Variants in CUBN observed in about 807,000 individuals in gnomAD.
CUBN encodes cubilin.
CUBN carries 282 observed loss-of-function variants against 405.3 expected under a neutral mutation model. The observed-to-expected ratio is 0.70, with a 90% confidence interval of 0.63 to 0.77. CUBN has a LOEUF of 0.77. CUBN is among the 30% of genes least tolerant of loss of function. The pLI, the probability that CUBN is intolerant of heterozygous loss-of-function variation, is 0.00. For missense variants in CUBN, 4,514 were observed against 4,475.2 expected (o/e 1.01, Z -0.25); for synonymous variants, 1,684 against 1,617.0 (o/e 1.04, Z -0.99).
chr10:16,888,239 A>C (rs2131395733), intron 56 of CUBN, among the ~76,000 whole-genome samples, 178 bp downstream of exon 56: 1 of 152,318 alleles, frequency 6.6e-6, no homozygotes, highest in South Asian at 2.1e-4. Context: ...AAAATTGCTA[A>C]GAGAGGTTTT....
intron 31 of CUBN, among the ~76,000 whole-genome samples, chr10:16,962,056 G>A (rs545471873): frequency 1.3e-5 from 2 of 152,258 alleles, no homozygotes; most frequent in South Asian, 2.1e-4. Context: ...TAGGCTCTCA[G>A]AACATGAGTA....
Position 17,068,701 on chromosome 10 carries a change from T to C in CUBN, c.2695A>G (p.Ile899Val). 1 of 1,611,988 alleles carries C rather than the reference T, an allele frequency of 6.2e-7. No homozygotes were observed. The highest frequency in any genetic ancestry group is 1.3e-5 in the African/African-American group (1 of 74,964). The change falls in exon 20 of 67, where the codon ATA becomes GTA. Residue 899 changes from isoleucine (I) to valine (V), a missense_variant. This residue lies in a region of CUBN where 1,448 missense variants were observed against 1,388.0 expected (regional missense o/e 1.04). Coordinates refer to ENST00000377833, the MANE Select transcript of CUBN (RefSeq NM_001081.4). ...KYCGTDIPSF[I>V]TSVYNFLYVT... ...TAAAGAAAATTGTACACAGATGTTATAAATGAAGGTATGTCTGTACCGCAA... is the reference window on the plus strand; with the variant it reads ...TAAAGAAAATTGTACACAGATGTTACAAATGAAGGTATGTCTGTACCGCAA...
chr10:16,865,732 G>A (rs1363075253), intron 59 of CUBN, among the ~76,000 whole-genome samples: 2 of 152,176 alleles, frequency 1.3e-5, no homozygotes, highest in East Asian at 3.9e-4. Flanking sequence ...AATGGAACAT[G>A]GGAGGGGGCA....
At chr10:16,886,707 G>A (rs975017058) in intron 56 of CUBN, among the ~76,000 whole-genome samples, 4 of 152,206 alleles carry the variant, frequency 2.6e-5, no homozygotes, top group African/African-American at 9.7e-5. Flanking sequence ...TGAAGAGTCA[G>A]GACTGAGAAG....
At chr10:17,032,392 C>G (rs1391436963) in intron 27 of CUBN, among the ~76,000 whole-genome samples, 1 of 152,154 alleles carries the variant, frequency 6.6e-6, no homozygotes, top group Non-Finnish European at 1.5e-5. Flanking sequence ...AGGTGGACTC[C>G]AGAGCCCACA....
intron 64 of CUBN, among the ~76,000 whole-genome samples, chr10:16,833,679 G>A (rs1422808650): frequency 6.6e-6 from 1 of 152,172 alleles, no homozygotes; most frequent in Non-Finnish European, 1.5e-5. Flanking sequence ...AGCCCTTGGT[G>A]CTAAGAAGCA....
intron 51 of CUBN, among the ~76,000 whole-genome samples, chr10:16,903,232 C>A (rs566771766): frequency 6.6e-6 from 1 of 152,224 alleles, no homozygotes; most frequent in Admixed American, 6.5e-5. Flanking sequence ...CTGATAAAAT[C>A]CTATGCCCAT....
At chr10:16,866,153 C>T (rs112932474) in intron 59 of CUBN, among the ~76,000 whole-genome samples, 2,387 of 151,986 alleles carry the variant, frequency 0.016, 68 homozygotes, top group African/African-American at 0.055. Flanking sequence ...TGAAGTTTTG[C>T]TGAAGTGTTA....
chr10:17,038,380 T>G, intron 27 of CUBN, among the ~76,000 whole-genome samples: 1 of 152,216 alleles, frequency 6.6e-6, no homozygotes, highest in East Asian at 1.9e-4. Context: ...CTCACTCCTT[T>G]AAGCAAATGG....
chr10:17,099,438 A>C (rs1836448263), intron 14 of CUBN, among the ~76,000 whole-genome samples: 2 of 152,240 alleles, frequency 1.3e-5, no homozygotes, highest in Non-Finnish European at 2.9e-5. Context: ...AAGGCTGTTC[A>C]GTAATTTGAT....
At chr10:16,914,175 T>C (rs997326937) in intron 47 of CUBN, among the ~76,000 whole-genome samples, 183 bp from the exon 48 acceptor site, 25 of 152,186 alleles carry the variant, frequency 1.6e-4, no homozygotes, top group Non-Finnish European at 3.1e-4. Context: ...CTATTAATAT[T>C]TAACCCTGCC....
intron 60 of CUBN, 67 bp from the exon 61 acceptor site, chr10:16,841,114 G>T: frequency 6.8e-7 from 1 of 1,465,258 alleles, no homozygotes; most frequent in South Asian, 1.2e-5. Flanking sequence ...ACACTAAATT[G>T]GACGCGAAGT....
At chr10:16,975,296 T>A (rs1433100792) in intron 31 of CUBN, among the ~76,000 whole-genome samples, 1 of 152,256 alleles carries the variant, frequency 6.6e-6, no homozygotes, top group Non-Finnish European at 1.5e-5. Context: ...TGTTTCCTCC[T>A]GCTGCACTTT....
At chr10:17,044,067 A>T in intron 25 of CUBN, 84 bp from the exon 26 acceptor site, 1 of 706,508 alleles carries the variant, frequency 1.4e-6, no homozygotes, top group Non-Finnish European at 2.3e-6. Flanking sequence ...GTGAGGAAGA[A>T]AAAATATATA....
At chr10:16,991,907 A>T (rs1406483346) in intron 28 of CUBN, among the ~76,000 whole-genome samples, 1 of 152,208 alleles carries the variant, frequency 6.6e-6, no homozygotes, top group East Asian at 1.9e-4. Flanking sequence ...ACCCAAAGGA[A>T]TATAAATCAT....
chr10:17,098,821 A>C (rs1468303684), intron 14 of CUBN, among the ~76,000 whole-genome samples: 2 of 152,222 alleles, frequency 1.3e-5, no homozygotes, highest in Non-Finnish European at 2.9e-5. Flanking sequence ...CACTAAGCAT[A>C]ATATATCAAA....
chr10:16,930,995 A>G (rs546346200), intron 40 of CUBN, among the ~76,000 whole-genome samples: 98 of 152,020 alleles, frequency 6.4e-4, no homozygotes, highest in East Asian at 1.2e-3. Context: ...GGTGGCTCAC[A>G]CCTGTAATCA....
At chr10:16,977,493 G>T (rs946202252) in intron 31 of CUBN, among the ~76,000 whole-genome samples, 2 of 152,108 alleles carry the variant, frequency 1.3e-5, no homozygotes, top group African/African-American at 2.4e-5. Context: ...TGAACTCCAG[G>T]GGGAGGATCA....
intron 28 of CUBN, among the ~76,000 whole-genome samples, chr10:17,018,317 T>G (rs1245109096): frequency 1.3e-5 from 2 of 152,212 alleles, no homozygotes; most frequent in African/African-American, 4.8e-5. Flanking sequence ...CGGAATTTAT[T>G]CCTTCCAGTG....
Sources: allele counts gnomAD v4.1 joint callset (sites outside exome capture counted in the v4.1 genomes callset), GRCh38; gene constraint gnomAD v4.1.1; regional missense constraint gnomAD v4.1.1; transcripts MANE v1.5; gene names NCBI Gene and HGNC (gene_info 2026-07-23, HGNC 2026-07-21).